Variants in TAF1 observed in about 807,000 individuals in gnomAD.
The protein encoded by TAF1 is TATA-box binding protein associated factor 1.
A neutral mutation model predicts 138.5 loss-of-function variants in TAF1; 2 were observed. That is an observed-to-expected ratio of 0.01 (90% CI 0.01 to 0.05). The LOEUF (loss-of-function observed/expected upper bound fraction) is 0.05, where lower values mean the gene tolerates loss of function less well. TAF1 is among the 10% of genes least tolerant of loss of function. TAF1 has a pLI of 1.00. For synonymous variants in TAF1, 437 were observed against 503.2 expected (o/e 0.87, Z 1.76); for missense variants, 709 against 1,478.0 (o/e 0.48, Z 8.53).
At chrX:71,422,859 C>T (rs1414672141) in intron 29 of TAF1, among the ~76,000 whole-genome samples, 1 of 111,289 alleles carries the variant, frequency 9.0e-6, no homozygotes, top group African/African-American at 3.3e-5. Context: ...CCTGCCTCAG[C>T]CTCCTGAGTA....
chrX:71,506,567 C>G (rs187087003), intron 13 of TAF1, among the ~76,000 whole-genome samples: 1 of 103,468 alleles, frequency 9.7e-6, no homozygotes. Flanking sequence ...TGGTGGCACG[C>G]GCCTGTAGTC....
intron 13 of TAF1, among the ~76,000 whole-genome samples, chrX:71,524,756 C>T (rs959198387): frequency 2.7e-5 from 3 of 109,308 alleles, no homozygotes; most frequent in Non-Finnish European, 5.7e-5. Flanking sequence ...GCCTGGCCAA[C>T]ATGGTGAAAC....
intron 13 of TAF1, among the ~76,000 whole-genome samples, chrX:71,503,316 ATATATGTG>A (rs1259376220): frequency 1.5e-3 from 136 of 92,715 alleles, no homozygotes; most frequent in African/African-American, 6.0e-3. Flanking sequence ...ATATATATAT[ATATATGTG>A]TGTGTATATA....
intron 13 of TAF1, among the ~76,000 whole-genome samples, chrX:71,508,693 G>A (rs1341798293): frequency 3.7e-5 from 4 of 108,121 alleles, no homozygotes; most frequent in Non-Finnish European, 5.7e-5. Context: ...ACAAATAAAG[G>A]TGTAGAGCTA....
At chrX:71,436,277 G>A (rs1206263486) in intron 32 of TAF1, among the ~76,000 whole-genome samples, 8 of 99,646 alleles carry the variant, frequency 8.0e-5, no homozygotes, top group East Asian at 6.2e-4. Context: ...GTGCAGTGGC[G>A]CGATCTCGGC....
intron 13 of TAF1, among the ~76,000 whole-genome samples, chrX:71,516,415 A>T (rs1289272913): frequency 1.8e-5 from 2 of 109,688 alleles, no homozygotes; most frequent in Non-Finnish European, 3.8e-5. Flanking sequence ...TGTAAGATGA[A>T]AAAGTTCTGG....
chrX:71,448,324 C>A (rs2037793284), intron 32 of TAF1, among the ~76,000 whole-genome samples: 1 of 111,878 alleles, frequency 8.9e-6, no homozygotes, highest in African/African-American at 3.2e-5. Flanking sequence ...GCTGATCATC[C>A]TACTTTTAGT....
chrX:71,502,833 G>A (rs1006520816), intron 13 of TAF1, among the ~76,000 whole-genome samples: 20 of 110,918 alleles, frequency 1.8e-4, no homozygotes, highest in Non-Finnish European at 2.6e-4. Flanking sequence ...AGCTACCTGG[G>A]AGGCTGAGGC....
chrX:71,407,067 C>T (rs1036096383), intron 26 of TAF1, among the ~76,000 whole-genome samples: 2 of 108,615 alleles, frequency 1.8e-5, no homozygotes, highest in African/African-American at 6.7e-5. Context: ...AGGTGCACAC[C>T]ACCACACCCA....
At chrX:71,394,862 A>G (rs1322815853) in intron 22 of TAF1, among the ~76,000 whole-genome samples, 1 of 111,337 alleles carries the variant, frequency 9.0e-6, no homozygotes, top group East Asian at 2.8e-4. Flanking sequence ...GGTGCGTGCC[A>G]CCATGTCTGG....
downstream of TAF1, among the ~76,000 whole-genome samples, chrX:71,470,630 G>GC (rs1229475816): frequency 9.4e-6 from 1 of 106,706 alleles, no homozygotes; most frequent in African/African-American, 3.4e-5. Context: ...GCCCACCTCA[G>GC]CCCCCCAAAG....
chrX:71,479,345 GA>G (rs1324306637), intron 13 of TAF1, among the ~76,000 whole-genome samples: 1 of 112,160 alleles, frequency 8.9e-6, no homozygotes, highest in African/African-American at 3.2e-5. Flanking sequence ...GCCAAGGCAG[GA>G]GGATCACTTG....
intron 13 of TAF1, among the ~76,000 whole-genome samples, chrX:71,489,618 G>A (rs2039238883): frequency 9.2e-6 from 1 of 108,996 alleles, no homozygotes; most frequent in Non-Finnish European, 1.9e-5. Flanking sequence ...GGAGGTTGCG[G>A]TGAGCTGAGA....
intron 14 of TAF1, chrX:71,529,430 G>T: frequency 9.4e-6 from 2 of 212,454 alleles, no homozygotes; most frequent in Non-Finnish European, 1.8e-5. Flanking sequence ...AACACAGAGT[G>T]CTGATTGGTG....
At chrX:71,503,330 A>ATATATATATATGTGTATATATATGTGTG (rs1569408515) in intron 13 of TAF1, among the ~76,000 whole-genome samples, 1 of 89,458 alleles carries the variant, frequency 1.1e-5, no homozygotes, top group African/African-American at 4.7e-5. Context: ...ATGTGTGTGT[A>ATATATATATATGTGTATATATATGTGTG]TATATATATA....
At chrX:71,370,575 C>T (rs2032977122) in intron 3 of TAF1, among the ~76,000 whole-genome samples, 1 of 111,614 alleles carries the variant, frequency 9.0e-6, no homozygotes, top group South Asian at 3.7e-4. Context: ...GTCTCGAACT[C>T]CTGACCTCAG....
chrX:71,476,658 C>CAA (rs747600361), intron 13 of TAF1, among the ~76,000 whole-genome samples: 5 of 92,157 alleles, frequency 5.4e-5, no homozygotes, highest in Non-Finnish European at 8.7e-5. Context: ...CTCTCTCCCT[C>CAA]AAAAAAAAAA....
intron 13 of TAF1, among the ~76,000 whole-genome samples, chrX:71,504,660 T>G (rs765461984): frequency 2.1e-5 from 2 of 94,767 alleles, no homozygotes; most frequent in East Asian, 6.5e-4. Context: ...GTGGGAGGCT[T>G]CAGCCCAGGA....
rs369118059 is a variant in TAF1, at chrX:71,379,378, G to A, written c.1360+347G>A. Among the ~76,000 whole-genome samples, 28 of 108,885 alleles carry A rather than the reference G, an allele frequency of 2.6e-4. No homozygotes were observed. In the South Asian group the frequency reaches 2.8e-3, roughly 11 times the overall value. The allele number at this position is 108,885 out of a possible 115,157, so 94.6% of individuals were successfully genotyped here. ...TGATCACCCGCCTCAGCCTCCCAAA[G>A]TGCTGGGATTACAGGTGTGAGCCAC... On this transcript the variant is annotated intron_variant, in intron 8 of 37. Coordinates refer to ENST00000423759, the MANE Select transcript of TAF1 (RefSeq NM_004606.5).
Sources: allele counts gnomAD v4.1 joint callset (sites outside exome capture counted in the v4.1 genomes callset), GRCh38; gene constraint gnomAD v4.1.1; transcripts MANE v1.5; gene names NCBI Gene and HGNC (gene_info 2026-07-23, HGNC 2026-07-21).